PAICS: variants seen among roughly 807,000 people sequenced by gnomAD.
PAICS encodes the protein phosphoribosylaminoimidazole carboxylase and phosphoribosylaminoimidazolesuccinocarboxamide synthase, also known as bifunctional phosphoribosylaminoimidazole carboxylase/phosphoribosylaminoimidazole succinocarboxamide synthetase.
PAICS carries 33 observed loss-of-function variants against 53.7 expected under a neutral mutation model. The ratio of observed to expected loss-of-function variants is 0.61; its 90% CI spans 0.47 to 0.82. PAICS has a LOEUF of 0.82. Ranked by LOEUF, PAICS falls within the 40% of genes least tolerant of loss-of-function variation. The pLI is 0.00. For missense variants in PAICS, 394 were observed against 494.1 expected (o/e 0.80, Z 1.92); for synonymous variants, 141 against 167.2 (o/e 0.84, Z 1.21).
At chr4:56,413,014 T>TCA in the PAICS span, among the ~76,000 whole-genome samples, 103,683 of 151,882 alleles carry the variant, frequency 0.68, 35,497 homozygotes, top group South Asian at 0.76. Context: ...GTGTGGGTCT[T>TCA]CCACCCCCAT....
intron 7 of PAICS, among the ~76,000 whole-genome samples, chr4:56,452,570 T>C (rs1025768684): frequency 6.6e-6 from 1 of 152,110 alleles, no homozygotes; most frequent in African/African-American, 2.4e-5. Context: ...AATGCAAGTA[T>C]GAAAAGAAAA....
At chr4:56,433,633 C>T (rs1717723831), upstream of PAICS, among the ~76,000 whole-genome samples, 1 of 151,980 alleles carries the variant, frequency 6.6e-6, no homozygotes, top group Non-Finnish European at 1.5e-5. Flanking sequence ...CTACAGACCA[C>T]CAGGCAACCC....
chr4:56,424,544 T>C, the PAICS span, among the ~76,000 whole-genome samples: 2 of 144,480 alleles, frequency 1.4e-5, no homozygotes, highest in African/African-American at 5.8e-5. Flanking sequence ...AGAAGAATCA[T>C]AGACTGCTCA....
chr4:56,454,956 A>C (rs1419876018), intron 8 of PAICS, among the ~76,000 whole-genome samples: 1 of 152,110 alleles, frequency 6.6e-6, no homozygotes, highest in Non-Finnish European at 1.5e-5. Context: ...TCAGGAGTTC[A>C]AGACCTGCCT....
chr4:56,421,703 A>G, the PAICS span: 2 of 152,266 alleles, frequency 1.3e-5, no homozygotes, highest in African/African-American at 4.8e-5. Context: ...GGTGGACAAG[A>G]AAGAAACTGG....
At chr4:56,433,932 C>A (rs1717750951), upstream of PAICS, among the ~76,000 whole-genome samples, 1 of 152,246 alleles carries the variant, frequency 6.6e-6, no homozygotes, top group African/African-American at 2.4e-5. Flanking sequence ...CCTCGTGATC[C>A]GCCCGCCTCG....
the PAICS span, chr4:56,422,482 CGTGTGTGTGTGTGTGTGTGT>C: frequency 7.2e-6 from 1 of 138,532 alleles, no homozygotes; most frequent in East Asian, 2.1e-4. Flanking sequence ...TTTTTTTGTA[CGTGTGTGTGTGTGTGTGTGT>C]GTGTGTGTGT....
chr4:56,448,427 A>C lies in PAICS; in HGVS notation c.403A>C (p.Asn135His), dbSNP rs1263342213. Residue 135 changes from asparagine to histidine, a missense_variant, in exon 4 of 9, where the codon AAT (asparagine) becomes CAT (histidine). Asn to His is a moderately conservative substitution (Grantham distance 68). Around this residue, in one of 3 missense-constraint regions of PAICS, gnomAD observed 168 missense variants for 199.3 expected, o/e 0.84. Transcript: ENST00000512576. ...KVELFFKDDA[N>H]NDPQWSEEQL... ...TATACTTTATTCACAGGATGATGCC[A>C]ATAATGACCCACAGTGGTCTGAGGA... 1 of 1,584,566 alleles carries C rather than the reference A, an allele frequency of 6.3e-7. No individual in the cohort carries two copies. The highest frequency in any genetic ancestry group is 8.6e-7 in the Non-Finnish European group (1 of 1,163,798).
At chr4:56,438,967 C>T (rs752854708) in intron 1 of PAICS, among the ~76,000 whole-genome samples, 2 of 152,096 alleles carry the variant, frequency 1.3e-5, no homozygotes. Flanking sequence ...AATTTCAATT[C>T]CATGAATCAT....
chr4:56,449,596 A>G (rs1036080856), intron 5 of PAICS, among the ~76,000 whole-genome samples: 2 of 152,238 alleles, frequency 1.3e-5, no homozygotes, highest in East Asian at 3.9e-4. Context: ...TAGCAAAGAC[A>G]TGGAACCAAC....
the PAICS span, among the ~76,000 whole-genome samples, chr4:56,413,680 G>C: frequency 1.1e-4 from 17 of 151,984 alleles, no homozygotes; most frequent in Admixed American, 1.1e-3. Flanking sequence ...TGGATCACCT[G>C]AGGTCAGGAG....
intron 1 of PAICS, among the ~76,000 whole-genome samples, chr4:56,437,402 G>GA (rs1287784598): frequency 1.3e-5 from 2 of 151,806 alleles, no homozygotes; most frequent in Non-Finnish European, 2.9e-5. Context: ...ATTTATGCTG[G>GA]AAAAAAACAA....
intron 2 of PAICS, among the ~76,000 whole-genome samples, chr4:56,445,499 A>C (rs1402445582): frequency 6.6e-6 from 1 of 152,154 alleles, no homozygotes; most frequent in Non-Finnish European, 1.5e-5. Context: ...AGGCAGGAGA[A>C]TCTCTTGAAC....
chr4:56,456,360 G>C (rs1719203946), intron 8 of PAICS, among the ~76,000 whole-genome samples: 1 of 152,238 alleles, frequency 6.6e-6, no homozygotes, highest in African/African-American at 2.4e-5. Flanking sequence ...CCAAAGTGCT[G>C]AGGTTATGGG....
At chr4:56,447,237 G>A (rs991712893) in intron 3 of PAICS, among the ~76,000 whole-genome samples, 47 of 151,640 alleles carry the variant, frequency 3.1e-4, no homozygotes, top group African/African-American at 1.1e-3. Flanking sequence ...ATAAATAAAG[G>A]TTGTAAGAAT....
chr4:56,448,800 C>A lies in PAICS; in HGVS notation c.664C>A (p.Arg222=). 3 of 1,579,584 alleles carry A rather than the reference C, an allele frequency of 1.9e-6. No homozygotes were observed. The highest frequency in any genetic ancestry group is 2.6e-6 in the Non-Finnish European group (3 of 1,156,472). ...DSWRLWPSGD[R]SQQKDKQSYR... ...CTGGAGACTCTGGCCATCAGGAGAT[C>A]GAAGCCAACAGAAAGACAAACAGGT... Residue 222 remains arginine, a synonymous_variant, in exon 5 of 9, where the codon CGA becomes AGA. Transcript: ENST00000512576.
the PAICS span, among the ~76,000 whole-genome samples, chr4:56,415,706 T>C: frequency 6.6e-6 from 1 of 152,202 alleles, no homozygotes; most frequent in Non-Finnish European, 1.5e-5. Context: ...CCTACTCTTT[T>C]ACATTACTGG....
chr4:56,450,981 C>A, intron 6 of PAICS: 1 of 246,598 alleles, frequency 4.1e-6, no homozygotes, highest in East Asian at 9.0e-5. Flanking sequence ...CCACGCCCAG[C>A]TAATTTTTTG....
intron 1 of PAICS, among the ~76,000 whole-genome samples, chr4:56,439,740 C>T (rs567625701): frequency 2.0e-5 from 3 of 152,116 alleles, no homozygotes; most frequent in Non-Finnish European, 4.4e-5. Flanking sequence ...ACTGCGGCCT[C>T]GACCTCCCCA....
Sources: allele counts gnomAD v4.1 joint callset (sites outside exome capture counted in the v4.1 genomes callset), GRCh38; gene constraint gnomAD v4.1.1; regional missense constraint gnomAD v4.1.1; transcripts MANE v1.5; gene names NCBI Gene and HGNC (gene_info 2026-07-23, HGNC 2026-07-21).